Variants in CTNND1 observed in about 807,000 individuals in gnomAD.
CTNND1 encodes catenin delta 1, also known as catenin delta-1.
In CTNND1, 16 loss-of-function variants were observed where a neutral mutation model predicts 112.1. The ratio of observed to expected loss-of-function variants is 0.14; its 90% CI spans 0.10 to 0.22. The LOEUF (loss-of-function observed/expected upper bound fraction) is 0.22, where lower values mean the gene tolerates loss of function less well. Ranked by LOEUF, CTNND1 falls within the 10% of genes least tolerant of loss-of-function variation. The pLI is 1.00. For missense variants in CTNND1, 1,008 were observed against 1,257.0 expected (o/e 0.80, Z 3.00); for synonymous variants, 420 against 446.5 (o/e 0.94, Z 0.75).
chr11:57,791,666 G>T lies in CTNND1; in HGVS notation c.188G>T (p.Arg63Leu), dbSNP rs759728124. ...PLMANGTLTR[R>L]HQNGRFVGDA... is the part of the protein sequence containing the mutation. ...ATGGCCAACGGCACACTCACCCGCC[G>T]GCATCAGGTAACCCCTCTCTCCATC... The change falls in exon 3 of 21, where the codon CGG (arginine) becomes CTG (leucine). Residue 63 changes from arginine (R) to leucine (L), a missense_variant. Arg to Leu is a moderately radical substitution (Grantham distance 102). Around this residue, in one of 5 missense-constraint regions of CTNND1, gnomAD observed 404 missense variants for 457.9 expected, o/e 0.88. Transcript: ENST00000399050. 2 of 1,568,814 alleles carry T rather than the reference G, an allele frequency of 1.3e-6. No individual in the cohort carries two copies. The highest frequency in any genetic ancestry group is 4.7e-5 in the East Asian group (2 of 42,388).
intron 1 of CTNND1, among the ~76,000 whole-genome samples, chr11:57,771,575 G>A (rs1302637131): frequency 6.6e-6 from 1 of 151,928 alleles, no homozygotes; most frequent in Non-Finnish European, 1.5e-5. Context: ...TGAGGGGAGG[G>A]AAGGAGAAGT....
rs933863439 is a variant in CTNND1 at position 57,804,692 on chromosome 11, G to C, written c.1634G>C (p.Arg545Pro). Reference protein sequence around the residue: ...RNVSSERSEARRKLRECDGLV... With the variant: ...RNVSSERSEAPRKLRECDGLV... Reference sequence around the variant, plus strand: ...GTAAGCTCAGAGAGGAGTGAAGCTCGCCGGAAACTTCGGGAATGTGATGGT... The same window carrying C: ...GTAAGCTCAGAGAGGAGTGAAGCTCCCCGGAAACTTCGGGAATGTGATGGT... Residue 545 changes from arginine to proline, a missense_variant, in exon 9 of 21, where the codon CGC becomes CCC. By Grantham distance (103) the Arg-to-Pro change is moderately radical. Coordinates refer to ENST00000399050, the MANE Select transcript of CTNND1 (RefSeq NM_001085458.2). The C allele has an allele frequency of 1.9e-6, 3 of 1,613,806 alleles. No individual in the cohort carries two copies. The highest frequency in any genetic ancestry group is 2.7e-5 in the African/African-American group (2 of 75,028).
intron 4 of CTNND1, 112 bp downstream of exon 4, chr11:57,794,193 C>T: frequency 1.2e-6 from 1 of 849,402 alleles, no homozygotes; most frequent in South Asian, 1.5e-5. Context: ...ACATACTCGT[C>T]AATTAGTTTC....
At chr11:57,814,433 G>A in intron 18 of CTNND1, 60 bp downstream of exon 18, 1 of 1,297,440 alleles carries the variant, frequency 7.7e-7, no homozygotes, top group East Asian at 2.4e-5. Flanking sequence ...AAGGAGAGCT[G>A]TCTAGCTCTA....
At position 57,804,579 on chromosome 11, in the gene CTNND1, T is replaced by C. The variant is rs890360235; in HGVS notation, c.1605-84T>C. 118 of 997,920 alleles carry C rather than the reference T, an allele frequency of 1.2e-4. No individual in the cohort carries two copies. In the Middle Eastern group the frequency reaches 1.3e-3, roughly 11 times the overall value. 61.8% of individuals were successfully genotyped at this position (997,920 alleles called of 1,614,324 possible). ...CTATTACAGTGAGTAGAAAAACATA[T>C]TCAGGAATCTTGTAGGTGTTGAGGG... On this transcript the variant is annotated intron_variant, in intron 8 of 20. Transcript: ENST00000399050.
Position 57,816,301 on chromosome 11 carries a change from A to G in CTNND1, c.2900A>G (p.Lys967Arg), listed in dbSNP as rs1403888918. ...GGQVSYPSMQKI is the reference protein window; with the variant it reads ...GGQVSYPSMQRI ...CTTTCTCTTTTTTCTCCACAGCAGA[A>G]GATTTAGCACCACTATCTCCGTTCC... The change falls in exon 21 of 21, where the codon AAG becomes AGG. Residue 967 changes from lysine (K) to arginine (R), a missense_variant. Lys to Arg is a conservative substitution (Grantham distance 26). Transcript: ENST00000399050. 29 of 1,613,552 alleles carry G rather than the reference A, an allele frequency of 1.8e-5. No individual in the cohort carries two copies. The highest frequency in any genetic ancestry group is 9.3e-6 in the Non-Finnish European group (11 of 1,179,692).
intron 1 of CTNND1, among the ~76,000 whole-genome samples, chr11:57,767,562 C>A (rs1951414568): frequency 6.6e-6 from 1 of 152,046 alleles, no homozygotes; most frequent in African/African-American, 2.4e-5. Flanking sequence ...GGCAGCATAA[C>A]ATAATGATTA....
intron 1 of CTNND1, among the ~76,000 whole-genome samples, chr11:57,776,433 TG>T (rs1373160735): frequency 1.3e-5 from 2 of 152,182 alleles, no homozygotes; most frequent in African/African-American, 4.8e-5. Flanking sequence ...GTTGGCTAGT[TG>T]GAATGTAGCT....
intron 8 of CTNND1, 72 bp from the exon 9 acceptor site, chr11:57,804,591 G>A (rs189735518): frequency 3.7e-6 from 4 of 1,088,562 alleles, no homozygotes; most frequent in Non-Finnish European, 4.2e-6. Context: ...CAGGAATCTT[G>A]TAGGTGTTGA....
intron 5 of CTNND1, among the ~76,000 whole-genome samples, chr11:57,795,949 T>C (rs760562678): frequency 6.6e-6 from 1 of 152,164 alleles, no homozygotes; most frequent in Non-Finnish European, 1.5e-5. Context: ...GCTTCCCTTA[T>C]AAGCATAGTT....
chr11:57,786,360 C>T (rs898740213), intron 1 of CTNND1, among the ~76,000 whole-genome samples: 8 of 151,850 alleles, frequency 5.3e-5, no homozygotes, highest in South Asian at 4.2e-4. Flanking sequence ...GGTGAAACCC[C>T]GTCTCCACTA....
chr11:57,800,957 CTTCCCAA>C (rs2061959578), intron 6 of CTNND1, among the ~76,000 whole-genome samples: 1 of 152,192 alleles, frequency 6.6e-6, no homozygotes, highest in Non-Finnish European at 1.5e-5. Flanking sequence ...AGTGGCTGGG[CTTCCCAA>C]ATGTGATGTT....
chr11:57,814,117 C>A, intron 17 of CTNND1, 194 bp from the exon 18 acceptor site: 1 of 532,424 alleles, frequency 1.9e-6, no homozygotes, highest in Non-Finnish European at 3.4e-6. Context: ...GAGTTTCAGA[C>A]CAGCCTGAGC....
chr11:57,816,221 T>G, intron 20 of CTNND1, 76 bp from the exon 21 acceptor site: 1 of 1,558,908 alleles, frequency 6.4e-7, no homozygotes, highest in Admixed American at 1.7e-5. Flanking sequence ...TTCTCCAGAT[T>G]TGCTCAACTT....
chr11:57,803,880 T>A (rs1397379468), intron 8 of CTNND1, 76 bp downstream of exon 8: 41 of 965,630 alleles, frequency 4.2e-5, no homozygotes, highest in Non-Finnish European at 5.1e-5. Flanking sequence ...AAAAAAAAAA[T>A]TAAAATTCTT....
chr11:57,806,330 T>C, intron 10 of CTNND1, 131 bp from the exon 11 acceptor site: 2 of 936,366 alleles, frequency 2.1e-6, no homozygotes, highest in Non-Finnish European at 3.3e-6. Flanking sequence ...GTCCTTTGCA[T>C]TTTCTGTGTT....
chr11:57,803,549 G>A, intron 7 of CTNND1, 72 bp from the exon 8 acceptor site: 1 of 1,177,672 alleles, frequency 8.5e-7, no homozygotes, highest in South Asian at 1.6e-5. Context: ...ACGATAGGGG[G>A]ATTCTCTTTG....
At chr11:57,794,614 C>A (rs559772469) in intron 4 of CTNND1, among the ~76,000 whole-genome samples, 5 of 151,176 alleles carry the variant, frequency 3.3e-5, no homozygotes, top group Non-Finnish European at 7.4e-5. Flanking sequence ...GGAGAAACCC[C>A]GTCTCTACTG....
At chr11:57,782,736 A>G (rs1214561782) in intron 1 of CTNND1, among the ~76,000 whole-genome samples, 2 of 152,226 alleles carry the variant, frequency 1.3e-5, no homozygotes, top group African/African-American at 4.8e-5. Flanking sequence ...GCTAAACTTG[A>G]TTTAACACTT....
Sources: gnomAD v4.1 joint callset for allele counts (sites outside exome capture counted in the v4.1 genomes callset) on GRCh38, gnomAD v4.1.1 for gene constraint, gnomAD v4.1.1 regional missense constraint, MANE v1.5 for transcripts, NCBI Gene and HGNC (gene_info 2026-07-23, HGNC 2026-07-21) for gene names.